GUCY2D: variants seen among roughly 807,000 people sequenced by gnomAD.
The protein encoded by GUCY2D is retinal guanylyl cyclase 1.
GUCY2D carries 70 observed loss-of-function variants against 101.3 expected under a neutral mutation model. The ratio of observed to expected loss-of-function variants is 0.69; its 90% CI spans 0.57 to 0.84. The LOEUF (loss-of-function observed/expected upper bound fraction) is 0.84. GUCY2D is among the 40% of genes least tolerant of loss of function. The probability of loss-of-function intolerance (pLI) is 0.00; values close to 1 mark genes in which losing one functional copy is unlikely to be tolerated. For synonymous variants in GUCY2D, 688 were observed against 670.7 expected (o/e 1.03, Z -0.40); for missense variants, 1,460 against 1,542.5 (o/e 0.95, Z 0.90).
chr17:8,006,837 C>T, intron 4 of GUCY2D, 123 bp downstream of exon 4: 1 of 969,098 alleles, frequency 1.0e-6, no homozygotes, highest in Non-Finnish European at 1.6e-6. Context: ...CTCTCCCAGC[C>T]TCTGGCTTGC....
Position 8,014,304 on chromosome 17 carries a change from C to T in GUCY2D, c.2412+276C>T. The stretch of plus-strand genomic sequence containing the variant: ...GAGAACCAAGTATGTGCTTGGCCTG[C>T]TGTGACAGAAAGACCCTTGGCCTGG... On this transcript the variant is annotated intron_variant, in intron 12 of 19. Transcript: ENST00000254854. This position sits in a 1 kb window ranked among gnomAD's most constrained non-coding sequence, Gnocchi z 4.0. The T allele has an allele frequency of 1.7e-6, 1 of 601,446 alleles. No homozygotes were observed. Among genetic ancestry groups the T allele is most frequent in the East Asian group, 2.8e-5 (1 of 35,588 alleles). The allele number at this position is 601,446 out of a possible 1,614,324, so 37.3% of individuals were successfully genotyped here.
chr17:8,007,854 A>G lies in GUCY2D; in HGVS notation c.1567-77A>G, dbSNP rs1975775802. The G allele has an allele frequency of 5.5e-6, 5 of 903,468 alleles. No homozygotes were observed. The African/African-American group carries it at 6.5e-5, about 12-fold the overall frequency. 56.0% of individuals were successfully genotyped at this position (903,468 alleles called of 1,614,324 possible). A position where few individuals can be genotyped will look rare whatever the true frequency, so the allele number is the denominator to read the frequency against. ...TTCGCCTCCCATCTTTAAATCCCCA[A>G]AACTCAGCCTGACCTCAACCCAGGA... On this transcript the variant is annotated intron_variant, in intron 6 of 19. Coordinates refer to ENST00000254854, the MANE Select transcript of GUCY2D (RefSeq NM_000180.4).
At chr17:8,009,106 CT>C (rs1377305468) in intron 7 of GUCY2D, among the ~76,000 whole-genome samples, 7 of 152,242 alleles carry the variant, frequency 4.6e-5, no homozygotes, top group African/African-American at 1.7e-4. Flanking sequence ...AGGAGGGGAG[CT>C]GTCTATAGTT....
In GUCY2D at chr17:8,015,803, C is replaced by G; in HGVS notation, c.3005C>G (p.Thr1002Arg). ...CCGCGGTACTGCCTGTTTGGGGACA[C>G]GGTCAACACCGCCTCGCGCATGGAG... ...TMPRYCLFGDTVNTASRMEST... is the reference protein window; with the variant it reads ...TMPRYCLFGDRVNTASRMEST... The change falls in exon 16 of 20, where the codon ACG (threonine) becomes AGG (arginine). Residue 1002 changes from threonine to arginine, a missense_variant. Around this residue, in one of 3 missense-constraint regions of GUCY2D, gnomAD observed 215 missense variants for 227.9 expected, o/e 0.94. Coordinates refer to ENST00000254854, the MANE Select transcript of GUCY2D (RefSeq NM_000180.4). 1 of 1,612,632 alleles carries G rather than the reference C, an allele frequency of 6.2e-7. No individual in the cohort carries two copies. The highest frequency in any genetic ancestry group is 1.1e-5 in the South Asian group (1 of 90,854).
intron 3 of GUCY2D, among the ~76,000 whole-genome samples, chr17:8,005,845 C>T (rs1228578075): frequency 2.6e-5 from 4 of 152,118 alleles, no homozygotes; most frequent in African/African-American, 9.7e-5. Flanking sequence ...CTGATAAGAT[C>T]GGGTGGTAAC....
rs2151803661 is a variant in GUCY2D, at chr17:8,015,430, A to C, written c.2872A>C (p.Ser958Arg). The change falls in exon 15 of 20, where the codon AGT becomes CGT. Residue 958 changes from serine to arginine, a missense_variant. Ser to Arg is a moderately radical substitution (Grantham distance 110). Transcript: ENST00000254854. The stretch of plus-strand genomic sequence containing the variant: ...CGCCAACATGTCACTGGACATCCTC[A>C]GTGCCGTGGGCACTTTCCGCATGCG... The part of the protein sequence containing the change: ...EIANMSLDIL[S>R]AVGTFRMRHM... 1.9e-6 allele frequency: 3 copies of C among 1,613,916 alleles called. No individual in the cohort carries two copies. The highest frequency in any genetic ancestry group is 2.5e-6 in the Non-Finnish European group (3 of 1,179,932).
rs963735402 is a variant in GUCY2D at position 8,015,331 on chromosome 17, G to A, written c.2773G>A (p.Glu925Lys). The A allele has an allele frequency of 1.9e-6, 3 of 1,605,526 alleles. No homozygotes were observed. The African/African-American group carries it at 4.0e-5, about 21-fold the overall frequency. ...IIGSHDVYKV[E>K]TIGDAYMVAS... ...ACACAACTCCTTCTTCCCCCAGGTG[G>A]AGACAATAGGGGACGCCTATATGGT... Residue 925 changes from glutamate (E) to lysine (K), a missense_variant, in exon 15 of 20, where the codon GAG becomes AAG. Coordinates refer to ENST00000254854, the MANE Select transcript of GUCY2D (RefSeq NM_000180.4).
Position 8,013,070 on chromosome 17 carries a change from C to T in GUCY2D, c.2114-33C>T. The T allele has an allele frequency of 1.2e-6, 2 of 1,601,610 alleles. No homozygotes were observed. The highest frequency in any genetic ancestry group is 2.2e-5 in the East Asian group (1 of 44,686). On this transcript the variant is annotated intron_variant, in intron 10 of 19. Coordinates refer to ENST00000254854, the MANE Select transcript of GUCY2D (RefSeq NM_000180.4). The surrounding 1 kb of genome is among the most constrained non-coding windows in gnomAD (Gnocchi z 5.0). ...TTCTGGTGAGGGTGGGAGTCTTTCC[C>T]CAGCGGCGCCTCAGCCCCTTCCCCA...
chr17:8,011,422 G>A lies in GUCY2D; in HGVS notation c.1750-722G>A, dbSNP rs375428889. On this transcript the variant is annotated intron_variant, in intron 8 of 19. Transcript: ENST00000254854. The surrounding 1 kb of genome is among the most constrained non-coding windows in gnomAD (Gnocchi z 4.3). ...AAAAGAAAAGAAAGAAAGTGGCACC[G>A]CTCCTCCCTGGCTCTCCCAGCAAAG... is the stretch of plus-strand genomic sequence containing the variant. Among the ~76,000 whole-genome samples, 7 of 152,018 alleles carry A rather than the reference G, an allele frequency of 4.6e-5. No individual in the cohort carries two copies. The highest frequency in any genetic ancestry group is 1.4e-4 in the African/African-American group (6 of 41,402).
At chr17:8,015,271 T>C (rs1975941619) in intron 14 of GUCY2D, 57 bp from the exon 15 acceptor site, 1 of 1,526,450 alleles carries the variant, frequency 6.6e-7, no homozygotes, top group African/African-American at 1.4e-5. Context: ...GGCAATCGCT[T>C]CGTGTACTCG....
chr17:8,007,833 C>T (rs1183334922), intron 6 of GUCY2D, 98 bp from the exon 7 acceptor site: 1 of 762,668 alleles, frequency 1.3e-6, no homozygotes, highest in Non-Finnish European at 2.4e-6. Flanking sequence ...GATTCCTTCG[C>T]CTCCCATCTT....
chr17:8,009,199 G>A (rs1975801433), intron 7 of GUCY2D, among the ~76,000 whole-genome samples: 1 of 152,202 alleles, frequency 6.6e-6, no homozygotes. Context: ...ATGGTAATGA[G>A]GGTTGTGATG....
chr17:8,015,725 C>G lies in GUCY2D; in HGVS notation c.2945-18C>G, dbSNP rs573455326. 2 of 1,582,582 alleles carry G rather than the reference C, an allele frequency of 1.3e-6. No individual in the cohort carries two copies. Among genetic ancestry groups the G allele is most frequent in the African/African-American group, 1.3e-5 (1 of 74,272 alleles). On this transcript the variant is annotated intron_variant, in intron 15 of 19. Transcript: ENST00000254854. ...GGGCCGGCCCTGCTAGCCCCGCCGA[C>G]CCCCAGCATCTCCACAGGTCCATGC...
At chr17:8,016,402 C>T in intron 18 of GUCY2D, 41 bp from the exon 19 acceptor site, 1 of 1,461,104 alleles carries the variant, frequency 6.8e-7, no homozygotes, top group Non-Finnish European at 9.4e-7. Flanking sequence ...CCCTCCCACG[C>T]CCCATTCCCC....
intron 10 of GUCY2D, 66 bp downstream of exon 10, chr17:8,012,672 C>A: frequency 7.8e-7 from 1 of 1,280,242 alleles, no homozygotes; most frequent in South Asian, 1.2e-5. Flanking sequence ...TTCTCCCCCG[C>A]TTCCTCCCTA....
At position 8,014,637 on chromosome 17, in the gene GUCY2D, A is replaced by G; in HGVS notation, c.2449A>G (p.Ile817Val). The change falls in exon 13 of 20, where the codon ATT (isoleucine) becomes GTT (valine). Residue 817 changes from isoleucine (I) to valine (V), a missense_variant. By Grantham distance (29) the Ile-to-Val change is conservative. This residue lies in a region of GUCY2D where 1,196 missense variants were observed against 1,229.6 expected (regional missense o/e 0.97). Transcript: ENST00000254854. The surrounding 1 kb of genome is among the most constrained non-coding windows in gnomAD (Gnocchi z 4.0). ...NINKGRKTNI[I>V]DSMLRMLEQY... ...CAACAAGGGCCGGAAGACGAACATC[A>G]TTGACTCGATGCTTCGGATGCTGGA... The G allele has an allele frequency of 6.2e-7, 1 of 1,614,080 alleles. No homozygotes were observed. Among genetic ancestry groups the G allele is most frequent in the African/African-American group, 1.3e-5 (1 of 75,030 alleles).
intron 8 of GUCY2D, among the ~76,000 whole-genome samples, chr17:8,010,668 T>C (rs370303747): frequency 1.6e-4 from 24 of 150,618 alleles, no homozygotes; most frequent in African/African-American, 5.1e-4. Context: ...ATTAGCCGGG[T>C]GTGGTGGCGG....
In GUCY2D at chr17:8,002,782, C is replaced by T; in HGVS notation, c.-10+48C>T. ...CTGGGATAGGGTCGGTCTGAGGGCG[C>T]AGGCGAGTCCCTGCTGACCCCTGAC... On this transcript the variant is annotated intron_variant, in intron 1 of 19. Coordinates refer to ENST00000254854, the MANE Select transcript of GUCY2D (RefSeq NM_000180.4). The surrounding 1 kb of genome is among the most constrained non-coding windows in gnomAD (Gnocchi z 4.9). The T allele has an allele frequency of 2.1e-6, 1 of 479,548 alleles. No individual in the cohort carries two copies. Among genetic ancestry groups the T allele is most frequent in the Non-Finnish European group, 3.7e-6 (1 of 272,434 alleles). 29.7% of individuals were successfully genotyped at this position (479,548 alleles called of 1,614,324 possible). A position where few individuals can be genotyped will look rare whatever the true frequency, so the allele number is the denominator to read the frequency against.
chr17:8,006,441 G>A lies in GUCY2D; in HGVS notation c.1105G>A (p.Gly369Ser), dbSNP rs1322820848. ...RGVAEARAAA[G>S]GRWVSGAAVA... is the part of the protein sequence containing the mutation. ...CGTGGCAGAAGCGCGGGCTGCCGCA[G>A]GTGGCAGATGGGTGTCCGGAGCAGC... The change falls in exon 4 of 20, where the codon GGT (glycine) becomes AGT (serine). Residue 369 changes from glycine (G) to serine (S), a missense_variant. By Grantham distance (56) the Gly-to-Ser change is moderately conservative. This residue lies in a region of GUCY2D where 1,196 missense variants were observed against 1,229.6 expected (regional missense o/e 0.97). Coordinates refer to ENST00000254854, the MANE Select transcript of GUCY2D (RefSeq NM_000180.4). The A allele has an allele frequency of 6.2e-7, 1 of 1,604,692 alleles. No homozygotes were observed. The highest frequency in any genetic ancestry group is 1.1e-5 in the South Asian group (1 of 91,086).
Sources: gnomAD v4.1 joint callset for allele counts (sites outside exome capture counted in the v4.1 genomes callset) on GRCh38, gnomAD v4.1.1 for gene constraint, gnomAD v4.1.1 regional missense constraint, Gnocchi (gnomAD v3.1) non-coding constraint, MANE v1.5 for transcripts, NCBI Gene and HGNC (gene_info 2026-07-23, HGNC 2026-07-21) for gene names.